Variants in SYNPO2 observed in about 807,000 individuals in gnomAD.
SYNPO2 encodes the protein synaptopodin-2.
A neutral mutation model predicts 85.0 loss-of-function variants in SYNPO2; 56 were observed. The observed-to-expected ratio is 0.66, with a 90% CI of 0.53 to 0.82. The LOEUF (loss-of-function observed/expected upper bound fraction) is 0.82. Ranked by LOEUF, SYNPO2 falls within the 40% of genes least tolerant of loss-of-function variation. The probability of loss-of-function intolerance (pLI) is 0.00; values close to 1 mark genes in which losing one functional copy is unlikely to be tolerated. For synonymous variants in SYNPO2, 602 were observed against 591.1 expected (o/e 1.02, Z -0.27); for missense variants, 1,575 against 1,534.2 (o/e 1.03, Z -0.44).
At chr4:118,920,790 C>T (rs1005558803) in intron 1 of SYNPO2, among the ~76,000 whole-genome samples, 3 of 151,578 alleles carry the variant, frequency 2.0e-5, no homozygotes, top group Non-Finnish European at 4.4e-5. Context: ...TTTTGGACAC[C>T]AATCATATAA....
At chr4:119,045,228 T>C (rs1273160420) in intron 4 of SYNPO2, among the ~76,000 whole-genome samples, 2 of 152,364 alleles carry the variant, frequency 1.3e-5, no homozygotes, top group South Asian at 2.1e-4. Flanking sequence ...TAGTTTTCTG[T>C]ACTGATAATC....
chr4:118,879,472 G>A (rs892725536), intron 1 of SYNPO2, among the ~76,000 whole-genome samples: 3 of 152,220 alleles, frequency 2.0e-5, no homozygotes, highest in African/African-American at 4.8e-5. Context: ...CCTGTAAGAC[G>A]AGAGACACAA....
chr4:118,930,302 T>C (rs773052585), intron 1 of SYNPO2, among the ~76,000 whole-genome samples: 1 of 152,342 alleles, frequency 6.6e-6, no homozygotes, highest in Non-Finnish European at 1.5e-5. Flanking sequence ...AACATAAATT[T>C]GATTCTGACT....
intron 1 of SYNPO2, among the ~76,000 whole-genome samples, chr4:119,021,125 G>C (rs901442449): frequency 1.3e-5 from 2 of 152,152 alleles, no homozygotes; most frequent in African/African-American, 4.8e-5. Flanking sequence ...GCTTTCTACA[G>C]ATTGTAATTT....
chr4:118,948,051 G>C (rs1734564682), intron 1 of SYNPO2, among the ~76,000 whole-genome samples: 2 of 152,152 alleles, frequency 1.3e-5, no homozygotes, highest in Non-Finnish European at 2.9e-5. Context: ...TGGTTAGTTA[G>C]TAAGTAAAAG....
chr4:118,866,044 T>C (rs1360533651), intron 1 of SYNPO2, among the ~76,000 whole-genome samples: 1 of 152,150 alleles, frequency 6.6e-6, no homozygotes. Flanking sequence ...ACTGTAAGAA[T>C]CTAACAAAAT....
intron 1 of SYNPO2, among the ~76,000 whole-genome samples, chr4:118,859,820 G>A (rs2110564655): frequency 6.6e-6 from 1 of 152,234 alleles, no homozygotes; most frequent in East Asian, 1.9e-4. Context: ...ATTGGTTGAT[G>A]CGCCCTTCAA....
At chr4:118,897,149 A>G (rs1374368450) in intron 1 of SYNPO2, among the ~76,000 whole-genome samples, 1 of 152,166 alleles carries the variant, frequency 6.6e-6, no homozygotes, top group African/African-American at 2.4e-5. Context: ...GAGAAAGTGA[A>G]GGGGAAGCAA....
intron 1 of SYNPO2, among the ~76,000 whole-genome samples, chr4:118,953,123 A>G (rs1026341991): frequency 2.0e-5 from 3 of 152,204 alleles, no homozygotes; most frequent in East Asian, 1.9e-4. Flanking sequence ...ATTGAAGTAT[A>G]TAAGGGACAG....
intron 1 of SYNPO2, among the ~76,000 whole-genome samples, chr4:118,984,816 T>G (rs930149826): frequency 6.6e-6 from 1 of 152,262 alleles, no homozygotes; most frequent in Non-Finnish European, 1.5e-5. Context: ...TATTTTGCAC[T>G]GCTTGGTTCA....
chr4:118,923,876 A>G (rs1733622944), intron 1 of SYNPO2, among the ~76,000 whole-genome samples: 1 of 127,742 alleles, frequency 7.8e-6, no homozygotes, highest in Non-Finnish European at 1.7e-5. Flanking sequence ...AGACATTTCA[A>G]TAGACTGCAC....
chr4:119,037,628 G>C (rs1738571307), intron 4 of SYNPO2: 4 of 986,206 alleles, frequency 4.1e-6, no homozygotes, highest in Non-Finnish European at 4.8e-6. Flanking sequence ...TAATCTCATG[G>C]GTCCTGAGGA....
chr4:118,853,144 C>A (rs1180682145), intron 1 of SYNPO2, among the ~76,000 whole-genome samples: 6 of 152,156 alleles, frequency 3.9e-5, no homozygotes, highest in Admixed American at 3.9e-4. Flanking sequence ...TGCCATTCTC[C>A]TGAGGAACCT....
intron 1 of SYNPO2, among the ~76,000 whole-genome samples, chr4:118,856,438 G>A (rs554764553): frequency 2.4e-4 from 37 of 152,262 alleles, no homozygotes; most frequent in Non-Finnish European, 4.4e-4. Context: ...GCAAAACTTC[G>A]CACTAAGCCA....
intron 1 of SYNPO2, among the ~76,000 whole-genome samples, chr4:118,891,907 A>G (rs1037349064): frequency 2.0e-5 from 3 of 152,236 alleles, no homozygotes; most frequent in Non-Finnish European, 4.4e-5. Context: ...AATGCTACAA[A>G]GCAGTTCTGT....
Position 119,031,379 on chromosome 4 carries a change from G to A in SYNPO2, c.2604G>A (p.Met868Ile). 6.2e-7 allele frequency: 1 copy of A among 1,614,144 alleles called. No homozygotes were observed. The highest frequency in any genetic ancestry group is 2.2e-5 in the East Asian group (1 of 44,884). The change falls in exon 4 of 5, where the codon ATG (methionine) becomes ATA (isoleucine). Residue 868 changes from methionine (M) to isoleucine (I), a missense_variant. This residue lies in a region of SYNPO2 where 1,508 missense variants were observed against 1,446.8 expected (regional missense o/e 1.04). Transcript: ENST00000307142. ...GACCATCCAATGAGCTTCCAGGAAT[G>A]AGTGGGAGAGGAGCTCAGCTCTTTG... ...AVGPSNELPG[M>I]SGRGAQLFAK... is the part of the protein sequence containing the mutation.
At chr4:118,967,369 G>A (rs559361854) in intron 1 of SYNPO2, among the ~76,000 whole-genome samples, 1 of 152,324 alleles carries the variant, frequency 6.6e-6, no homozygotes, top group African/African-American at 2.4e-5. Context: ...CTGAGACTGA[G>A]TTTTCCAACA....
chr4:118,923,888 CA>C (rs35102295), intron 1 of SYNPO2, among the ~76,000 whole-genome samples: 95,976 of 128,752 alleles, frequency 0.75, 36,036 homozygotes, highest in Middle Eastern at 0.87. Context: ...AGACTGCACT[CA>C]AAAAAAAAAA....
chr4:118,856,627 C>T (rs540946812), intron 1 of SYNPO2, among the ~76,000 whole-genome samples: 82 of 152,164 alleles, frequency 5.4e-4, no homozygotes, highest in Non-Finnish European at 1.0e-3. Context: ...CATCCTTCCA[C>T]CTCTGCCTCC....
Sources: allele counts gnomAD v4.1 joint callset (sites outside exome capture counted in the v4.1 genomes callset), GRCh38; gene constraint gnomAD v4.1.1; regional missense constraint gnomAD v4.1.1; transcripts MANE v1.5; gene names NCBI Gene and HGNC (gene_info 2026-07-23, HGNC 2026-07-21).